Variants in CPM observed in about 807,000 individuals in gnomAD.
CPM encodes carboxypeptidase M.
CPM carries 35 observed loss-of-function variants against 46.4 expected under a neutral mutation model. The ratio of observed to expected loss-of-function variants is 0.75; its 90% CI spans 0.58 to 1.00. CPM has a LOEUF of 1.00. Ranked by LOEUF, CPM falls within the 50% of genes least tolerant of loss-of-function variation. The pLI is 0.00. For missense variants in CPM, 422 were observed against 530.4 expected, an observed-to-expected ratio of 0.80 and a Z score of 2.01; for synonymous variants, 195 against 195.3, an observed-to-expected ratio of 1.00 and a Z score of 0.01.
At chr12:68,909,649 T>C (rs1041472336) in intron 2 of CPM, among the ~76,000 whole-genome samples, 4 of 152,088 alleles carry the variant, frequency 2.6e-5, no homozygotes, top group African/African-American at 9.7e-5. Context: ...TGGAATACTA[T>C]TCAGCCATAA....
chr12:68,937,113 C>A (rs559796973), upstream of CPM, among the ~76,000 whole-genome samples: 2 of 152,322 alleles, frequency 1.3e-5, no homozygotes, highest in African/African-American at 4.8e-5. Context: ...TTAATACAAT[C>A]TTTCTGGAGG....
intron 7 of CPM, 65 bp downstream of exon 7, chr12:68,866,831 C>T (rs1885470579): frequency 7.1e-6 from 10 of 1,413,348 alleles, no homozygotes; most frequent in Non-Finnish European, 9.9e-6. Context: ...GTTTAGTCAA[C>T]CCAGAGGTCT....
At chr12:68,921,562 A>G (rs926618704) in intron 2 of CPM, among the ~76,000 whole-genome samples, 1 of 152,048 alleles carries the variant, frequency 6.6e-6, no homozygotes, top group African/African-American at 2.4e-5. Flanking sequence ...GTGGGGGTAG[A>G]CCCATTTTAG....
rs1884888966 is a variant in CPM, at chr12:68,854,885, C to G, written c.*1552G>C. The G allele has an allele frequency of 1.3e-5, 2 of 152,172 alleles. No individual in the cohort carries two copies. Among genetic ancestry groups the G allele is most frequent in the Admixed American group, 1.3e-4 (2 of 15,250 alleles). The allele number at this position is 152,172 out of a possible 1,614,324, so 9.4% of individuals were successfully genotyped here. ...CCAATTTTTTTTTTTAAGACAGAGT[C>G]TCACTTCTTCACCCAGGCTGGAGTA... is the stretch of plus-strand genomic sequence containing the variant. On this transcript the variant is annotated 3_prime_UTR_variant, in exon 9 of 9. Transcript: ENST00000551568.
At chr12:68,842,360 G>A in intron 5 of CPM, 1 of 495,418 alleles carries the variant, frequency 2.0e-6, no homozygotes, top group South Asian at 1.5e-5. Flanking sequence ...ACAGTTAACA[G>A]GATGCAGACA....
intron 2 of CPM, among the ~76,000 whole-genome samples, chr12:68,917,794 C>T (rs965240284): frequency 1.3e-5 from 2 of 152,208 alleles, no homozygotes; most frequent in African/African-American, 4.8e-5. Context: ...TACATAGCTA[C>T]ACGACCAGCT....
intron 2 of CPM, among the ~76,000 whole-genome samples, chr12:68,919,774 C>T (rs1887958869): frequency 6.6e-6 from 1 of 152,218 alleles, no homozygotes; most frequent in South Asian, 2.1e-4. Context: ...CTCTACCACA[C>T]TAAGATTATT....
At chr12:68,912,490 C>G (rs956258917) in intron 2 of CPM, among the ~76,000 whole-genome samples, 3 of 152,084 alleles carry the variant, frequency 2.0e-5, no homozygotes, top group African/African-American at 7.2e-5. Flanking sequence ...ACTTAGAAAC[C>G]TATATCTAAA....
intron 2 of CPM, among the ~76,000 whole-genome samples, chr12:68,923,869 C>A (rs1225857851): frequency 1.3e-5 from 2 of 152,098 alleles, no homozygotes; most frequent in African/African-American, 2.4e-5. Context: ...AATATAATTT[C>A]CCCTCAATTT....
intron 2 of CPM, among the ~76,000 whole-genome samples, chr12:68,890,214 G>C (rs1009365505): frequency 6.6e-6 from 1 of 152,094 alleles, no homozygotes; most frequent in Admixed American, 6.5e-5. Context: ...TCCAGCCTGG[G>C]ACACAGCAAG....
chr12:68,961,633 G>A (rs1226986515), intron 1 of CPM, among the ~76,000 whole-genome samples: 2 of 152,214 alleles, frequency 1.3e-5, no homozygotes, highest in Non-Finnish European at 1.5e-5. Context: ...AGTTGAATGA[G>A]CCAGGCATGG....
In CPM at chr12:68,931,763, A is replaced by AAAAAG. The variant is rs1482981614; in HGVS notation, c.160+914_160+915insCTTTT. 2.9e-3 allele frequency among the ~76,000 whole-genome samples: 382 copies of AAAAAG among 132,468 alleles called. 1 individual carries two copies. Among genetic ancestry groups the AAAAAG allele is most frequent in the African/African-American group, 8.0e-3 (260 of 32,646 alleles). The allele number at this position is 132,468 out of a possible 152,430, so 86.9% of individuals were successfully genotyped here. A position where few individuals can be genotyped will look rare whatever the true frequency, so the allele number is the denominator to read the frequency against. On this transcript the variant is annotated intron_variant, in intron 2 of 8. Transcript: ENST00000551568. Reference sequence around the variant, plus strand: ...TCTGACCAAAAAAAAAAAAAAAAAAAAAAGAAAGAAAGAAAGAAAGAAAGA... The same window carrying AAAAAG: ...TCTGACCAAAAAAAAAAAAAAAAAAAAAAAGAAAGAAAGAAAGAAAGAAAGAAAGA...
downstream of CPM, chr12:68,850,488 A>AAAC (rs1355621671): frequency 1.3e-5 from 2 of 152,162 alleles, no homozygotes; most frequent in African/African-American, 4.8e-5. Flanking sequence ...TGTCTCATTT[A>AAAC]AACTATTATT....
chr12:68,955,548 G>A (rs1477472759), intron 1 of CPM, among the ~76,000 whole-genome samples: 1 of 152,092 alleles, frequency 6.6e-6, no homozygotes, highest in African/African-American at 2.4e-5. Flanking sequence ...ACCTCTTTTA[G>A]TCCTGCCACT....
chr12:68,887,161 G>A lies in CPM; in HGVS notation c.161-1272C>T, dbSNP rs1027247107. ...TGGTTTCCTAACCAGTAAAAATGAC[G>A]AAGTCCCTTTCAATTTTAAAATTGT... On this transcript the variant is annotated intron_variant, in intron 2 of 8. Coordinates refer to ENST00000551568, the MANE Select transcript of CPM (RefSeq NM_198320.5). Among the ~76,000 whole-genome samples the A allele has an allele frequency of 1.2e-4, 19 of 152,234 alleles. No homozygotes were observed. In the Middle Eastern group the frequency reaches 0.01, roughly 82 times the overall value.
chr12:68,937,455 A>G (rs535429589), upstream of CPM, among the ~76,000 whole-genome samples: 90 of 152,334 alleles, frequency 5.9e-4, no homozygotes, highest in Non-Finnish European at 1.1e-3. Context: ...TCAGTGCACA[A>G]CACAGCCTCC....
downstream of CPM, chr12:68,850,835 ATTCT>A (rs1297220015): frequency 3.9e-5 from 6 of 152,196 alleles, no homozygotes; most frequent in Middle Eastern, 6.8e-3. Flanking sequence ...CATTTCTCAG[ATTCT>A]TTATTACATT....
At chr12:68,883,769 A>G (rs1886302138) in intron 3 of CPM, among the ~76,000 whole-genome samples, 1 of 152,046 alleles carries the variant, frequency 6.6e-6, no homozygotes. Context: ...AAAAACTACT[A>G]AAGACAATGA....
chr12:68,927,473 C>A (rs1383873116), intron 2 of CPM, among the ~76,000 whole-genome samples: 4 of 152,040 alleles, frequency 2.6e-5, no homozygotes, highest in Non-Finnish European at 5.9e-5. Context: ...AGCCCTTTGT[C>A]AGATGAGTAG....
Sources: allele counts gnomAD v4.1 joint callset (sites outside exome capture counted in the v4.1 genomes callset), GRCh38; gene constraint gnomAD v4.1.1; transcripts MANE v1.5; gene names NCBI Gene and HGNC (gene_info 2026-07-23, HGNC 2026-07-21).